The following ZNF250 variants were observed in gnomAD, a reference collection of about 807,000 sequenced individuals.
The protein encoded by ZNF250 is zinc finger protein 250.
ZNF250 carries 13 observed loss-of-function variants against 37.1 expected under a neutral mutation model. That is an observed-to-expected ratio of 0.35 (90% CI 0.23 to 0.56). The LOEUF (loss-of-function observed/expected upper bound fraction) is 0.56, where lower values mean the gene tolerates loss of function less well. Ranked by LOEUF, ZNF250 falls within the 20% of genes least tolerant of loss-of-function variation. ZNF250 has a pLI of 0.87. For missense variants in ZNF250, 474 were observed against 697.9 expected (o/e 0.68, Z 3.61); for synonymous variants, 251 against 265.6 (o/e 0.94, Z 0.54).
At position 144,882,431 on chromosome 8, in the gene ZNF250, T is replaced by C; in HGVS notation, c.752A>G (p.Glu251Gly). The change falls in exon 6 of 6, where the codon GAG (glutamate) becomes GGG (glycine). Residue 251 changes from glutamate (E) to glycine (G), a missense_variant. Physicochemically the swap from Glu to Gly is moderately conservative, Grantham distance 98 (BLOSUM62 -2). Around this residue, in one of 2 missense-constraint regions of ZNF250, gnomAD observed 282 missense variants for 470.4 expected, o/e 0.60. Transcript: ENST00000417550. The surrounding 1 kb of genome is among the most constrained non-coding windows in gnomAD (Gnocchi z 5.5). Reference sequence around the variant, plus strand: ...AAAGGCTTTTCCACACTCATTACACTCATAGGGCTTCTCACCTGTGTGAAT... The same window carrying C: ...AAAGGCTTTTCCACACTCATTACACCCATAGGGCTTCTCACCTGTGTGAAT... The part of the protein sequence containing the change: ...RRIHTGEKPY[E>G]CNECGKAFRV... The C allele has an allele frequency of 6.2e-7, 1 of 1,613,994 alleles. No homozygotes were observed. Among genetic ancestry groups the C allele is most frequent in the Non-Finnish European group, 8.5e-7 (1 of 1,179,998 alleles).
chr8:144,881,133 G>T lies in ZNF250; in HGVS notation c.*382C>A. On this transcript the variant is annotated 3_prime_UTR_variant, in exon 6 of 6. Coordinates refer to ENST00000417550, the MANE Select transcript of ZNF250 (RefSeq NM_001109689.4). The stretch of plus-strand genomic sequence containing the variant: ...AATTAGTATGGTTAATTGATATTTA[G>T]GAAGGGCATGTAATGTTCTTAGAAA... 1 of 173,300 alleles carries T rather than the reference G, an allele frequency of 5.8e-6. No homozygotes were observed. Among genetic ancestry groups the T allele is most frequent in the Non-Finnish European group, 1.2e-5 (1 of 80,500 alleles). 10.7% of individuals were successfully genotyped at this position (173,300 alleles called of 1,614,324 possible).
At chr8:144,884,708 C>A (rs1411246750) in intron 5 of ZNF250, among the ~76,000 whole-genome samples, 3 of 150,718 alleles carry the variant, frequency 2.0e-5, no homozygotes, top group Non-Finnish European at 4.4e-5. Context: ...TTTTTTTTTT[C>A]ATTTTTTTTA....
chr8:144,888,594 TC>T (rs1161387342), intron 4 of ZNF250, among the ~76,000 whole-genome samples: 15 of 79,104 alleles, frequency 1.9e-4, no homozygotes, highest in African/African-American at 3.0e-4. Flanking sequence ...CAAGACTGTC[TC>T]AAAAAAAAAA....
chr8:144,898,254 G>A (rs1029931269), intron 1 of ZNF250, among the ~76,000 whole-genome samples: 7 of 151,972 alleles, frequency 4.6e-5, no homozygotes, highest in East Asian at 3.9e-4. Context: ...CCAAGATCGC[G>A]CCATTGCACT....
rs1832182858 is a variant in ZNF250, at chr8:144,889,805, G to A, written c.170-111C>T. Reference sequence around the variant, plus strand: ...TGGACAGGACTGATCTTCTGCTGGAGCTGAGCACCCAGAGAGGTGATGAGA... The same window carrying A: ...TGGACAGGACTGATCTTCTGCTGGAACTGAGCACCCAGAGAGGTGATGAGA... On this transcript the variant is annotated intron_variant, in intron 3 of 5. Coordinates refer to ENST00000417550, the MANE Select transcript of ZNF250 (RefSeq NM_001109689.4). 1.2e-5 allele frequency: 17 copies of A among 1,454,082 alleles called. No individual in the cohort carries two copies. The East Asian group carries it at 4.0e-4, about 34-fold the overall frequency. 90.1% of individuals were successfully genotyped at this position (1,454,082 alleles called of 1,614,324 possible).
rs1041901278 is a variant in ZNF250, at chr8:144,879,216, T to C, written c.*2299A>G. 1.3e-5 allele frequency: 2 copies of C among 152,264 alleles called. No individual in the cohort carries two copies. The highest frequency in any genetic ancestry group is 2.9e-5 in the Non-Finnish European group (2 of 68,044). 9.4% of individuals were successfully genotyped at this position (152,264 alleles called of 1,614,324 possible). ...CCTCTGAAGTAACACCTCAGTAATATTAGTTCCTCTGGAATTTCACTTCAG... is the reference window on the plus strand; with the variant it reads ...CCTCTGAAGTAACACCTCAGTAATACTAGTTCCTCTGGAATTTCACTTCAG... On this transcript the variant is annotated 3_prime_UTR_variant, in exon 6 of 6. Transcript: ENST00000417550.
At chr8:144,893,131 G>T (rs1832468671) in intron 1 of ZNF250, among the ~76,000 whole-genome samples, 1 of 152,172 alleles carries the variant, frequency 6.6e-6, no homozygotes, top group Non-Finnish European at 1.5e-5. Context: ...CCAAAGTGCT[G>T]GGATTACAGG....
At chr8:144,888,460 A>G (rs1437496017) in intron 4 of ZNF250, among the ~76,000 whole-genome samples, 1 of 151,870 alleles carries the variant, frequency 6.6e-6, no homozygotes, top group Non-Finnish European at 1.5e-5. Flanking sequence ...AGCTGGGTAT[A>G]GGGGCATGGA....
At chr8:144,883,143 C>A (rs897244773) in intron 5 of ZNF250, among the ~76,000 whole-genome samples, 2 of 152,212 alleles carry the variant, frequency 1.3e-5, no homozygotes, top group African/African-American at 4.8e-5. Context: ...GTCCTGCCCT[C>A]CCAGGGGTCC....
intron 1 of ZNF250, among the ~76,000 whole-genome samples, chr8:144,896,570 G>A (rs951334387): frequency 2.0e-5 from 3 of 152,102 alleles, no homozygotes; most frequent in Non-Finnish European, 2.9e-5. Flanking sequence ...GCTATCGGGG[G>A]TGCCAGAAAC....
rs1442739663 is a variant in ZNF250 at position 144,878,380 on chromosome 8, G to A, written c.*3135C>T. On this transcript the variant is annotated 3_prime_UTR_variant, in exon 6 of 6. Transcript: ENST00000417550. ...TAACACCTGTGTGATCTCAACTCCA[G>A]TGAACAACTCAGTTATTTCATCTCC... The A allele has an allele frequency of 3.3e-5, 5 of 152,196 alleles. No homozygotes were observed. The highest frequency in any genetic ancestry group is 7.3e-5 in the Non-Finnish European group (5 of 68,050). 9.4% of individuals were successfully genotyped at this position (152,196 alleles called of 1,614,324 possible). A position where few individuals can be genotyped will look rare whatever the true frequency, so the allele number is the denominator to read the frequency against.
chr8:144,899,957 T>C (rs984387702), intron 1 of ZNF250, among the ~76,000 whole-genome samples: 2 of 152,150 alleles, frequency 1.3e-5, no homozygotes, highest in Admixed American at 6.5e-5. Flanking sequence ...GGCAAAATAT[T>C]TGACTCCTAA....
chr8:144,882,460 C>T lies in ZNF250; in HGVS notation c.723G>A (p.Arg241=). 4 of 1,613,920 alleles carry T rather than the reference C, an allele frequency of 2.5e-6. No homozygotes were observed. The highest frequency in any genetic ancestry group is 3.4e-6 in the Non-Finnish European group (4 of 1,179,992). ...FSQSSVLSKH[R]RIHTGEKPYE... Reference sequence around the variant, plus strand: ...AGGGCTTCTCACCTGTGTGAATTCTCCTGTGTTTACTAAGGACTGAGCTCT... The same window carrying T: ...AGGGCTTCTCACCTGTGTGAATTCTTCTGTGTTTACTAAGGACTGAGCTCT... The change falls in exon 6 of 6, where the codon AGG becomes AGA. Residue 241 remains arginine (R), a synonymous_variant. Transcript: ENST00000417550. This position sits in a 1 kb window ranked among gnomAD's most constrained non-coding sequence, Gnocchi z 5.5.
In ZNF250 at chr8:144,889,957, T is replaced by G; in HGVS notation, c.145A>C (p.Thr49Pro). 1 of 1,609,694 alleles carries G rather than the reference T, an allele frequency of 6.2e-7. No homozygotes were observed. The highest frequency in any genetic ancestry group is 8.5e-7 in the Non-Finnish European group (1 of 1,176,756). Residue 49 changes from threonine (T) to proline (P), a missense_variant, in exon 3 of 6, where the codon ACC becomes CCC. Thr to Pro is a conservative substitution (Grantham distance 38). Coordinates refer to ENST00000417550, the MANE Select transcript of ZNF250 (RefSeq NM_001109689.4). Reference protein sequence around the residue: ...RGLYRNVMMETYGNVVSLGLP... With the variant: ...RGLYRNVMMEPYGNVVSLGLP... ...CCCAATGAGACTACATTCCCATAGGTTTCCATCATCACATTTCTGTAGAGA... is the reference window on the plus strand; with the variant it reads ...CCCAATGAGACTACATTCCCATAGGGTTCCATCATCACATTTCTGTAGAGA...
Position 144,899,046 on chromosome 8 carries a change from T to C in ZNF250, c.-55+2353A>G, listed in dbSNP as rs181398158. The stretch of plus-strand genomic sequence containing the variant: ...TGTACACAATGGAATATGATTCAAC[T>C]ATAAAAATAAGGAAATTATGTCATT... On this transcript the variant is annotated intron_variant, in intron 1 of 5. Coordinates refer to ENST00000417550, the MANE Select transcript of ZNF250 (RefSeq NM_001109689.4). Among the ~76,000 whole-genome samples the C allele has an allele frequency of 2.0e-5, 3 of 152,320 alleles. No individual in the cohort carries two copies. The East Asian group carries it at 5.8e-4, about 29-fold the overall frequency.
rs1299680311 is a variant in ZNF250, at chr8:144,881,245, G to T, written c.*270C>A. The T allele has an allele frequency of 5.7e-6, 2 of 349,458 alleles. No individual in the cohort carries two copies. The highest frequency in any genetic ancestry group is 2.1e-5 in the African/African-American group (1 of 47,610). The allele number at this position is 349,458 out of a possible 1,614,324, so 21.6% of individuals were successfully genotyped here. A position where few individuals can be genotyped will look rare whatever the true frequency, so the allele number is the denominator to read the frequency against. ...TTAGTTCAAATAAACTAATGTTAAA[G>T]AATTATGGCTGTTTTTTACCAAAAT... is the stretch of plus-strand genomic sequence containing the variant. On this transcript the variant is annotated 3_prime_UTR_variant, in exon 6 of 6. Coordinates refer to ENST00000417550, the MANE Select transcript of ZNF250 (RefSeq NM_001109689.4).
chr8:144,890,081 C>T lies in ZNF250; in HGVS notation c.43-22G>A. The stretch of plus-strand genomic sequence containing the variant: ...TGGCCTGGAACGACAGGGGCTGCTG[C>T]AGGTAAAACCAAATCCTGATGTCTG... On this transcript the variant is annotated intron_variant, in intron 2 of 5. Transcript: ENST00000417550. This position sits in a 1 kb window ranked among gnomAD's most constrained non-coding sequence, Gnocchi z 5.1. The T allele has an allele frequency of 1.2e-6, 2 of 1,607,324 alleles. No homozygotes were observed. The highest frequency in any genetic ancestry group is 1.7e-6 in the Non-Finnish European group (2 of 1,176,824).
At chr8:144,887,750 A>G (rs1316403643) in intron 4 of ZNF250, among the ~76,000 whole-genome samples, 3 of 152,236 alleles carry the variant, frequency 2.0e-5, no homozygotes, top group Admixed American at 6.5e-5. Flanking sequence ...AGCTGCAGTC[A>G]GTAAGCAGAA....
In ZNF250 at chr8:144,882,827, G is replaced by T. The variant is rs777377441; in HGVS notation, c.356C>A (p.Thr119Asn). ...GTCTGTATTTTGACTCTCTCCCTTG[G>T]TTTCACATTCTGAAAGAACAAATCC... ...DSLSCPWECE[T>N]KGESQNTDLS... The change falls in exon 6 of 6, where the codon ACC (threonine) becomes AAC (asparagine). Residue 119 changes from threonine to asparagine, a missense_variant. Around this residue, in one of 2 missense-constraint regions of ZNF250, gnomAD observed 192 missense variants for 227.5 expected, o/e 0.84. Coordinates refer to ENST00000417550, the MANE Select transcript of ZNF250 (RefSeq NM_001109689.4). The surrounding 1 kb of genome is among the most constrained non-coding windows in gnomAD (Gnocchi z 5.5). 1 of 1,604,864 alleles carries T rather than the reference G, an allele frequency of 6.2e-7. No individual in the cohort carries two copies. The highest frequency in any genetic ancestry group is 1.1e-5 in the South Asian group (1 of 90,294).
Sources: gnomAD v4.1 joint callset for allele counts (sites outside exome capture counted in the v4.1 genomes callset) on GRCh38, gnomAD v4.1.1 for gene constraint, gnomAD v4.1.1 regional missense constraint, Gnocchi (gnomAD v3.1) non-coding constraint, MANE v1.5 for transcripts, NCBI Gene and HGNC (gene_info 2026-07-23, HGNC 2026-07-21) for gene names.